Variants in CDH11 observed in about 807,000 individuals in gnomAD.
CDH11 encodes cadherin 11.
Under a neutral mutation model 67.8 loss-of-function variants are expected in CDH11, and 11 were observed. The ratio of observed to expected loss-of-function variants is 0.16; its 90% CI spans 0.10 to 0.27. The LOEUF (loss-of-function observed/expected upper bound fraction) is 0.27, where lower values mean the gene tolerates loss of function less well. CDH11 is among the 10% of genes least tolerant of loss of function. The pLI, the probability that CDH11 is intolerant of heterozygous loss-of-function variation, is 1.00. For missense variants in CDH11, 847 were observed against 1,031.2 expected (o/e 0.82, Z 2.45); for synonymous variants, 419 against 400.0 (o/e 1.05, Z -0.57).
At chr16:64,957,597 C>T (rs1597014240) in intron 11 of CDH11, among the ~76,000 whole-genome samples, 3 of 84,830 alleles carry the variant, frequency 3.5e-5, no homozygotes, top group Admixed American at 1.5e-4. Flanking sequence ...CACACATGCC[C>T]GTGCACACAC....
chr16:65,050,866 C>T (rs2074044018), intron 2 of CDH11, among the ~76,000 whole-genome samples: 1 of 151,804 alleles, frequency 6.6e-6, no homozygotes, highest in Admixed American at 6.6e-5. Context: ...TAACTTTTGA[C>T]TCTGATTCAT....
chr16:65,035,192 G>A (rs1490431085), intron 2 of CDH11, among the ~76,000 whole-genome samples: 1 of 152,236 alleles, frequency 6.6e-6, no homozygotes, highest in Non-Finnish European at 1.5e-5. Flanking sequence ...CATCCAGGGT[G>A]CCACACTGAG....
At chr16:65,102,775 C>T (rs181722113) in intron 1 of CDH11, among the ~76,000 whole-genome samples, 1 of 152,276 alleles carries the variant, frequency 6.6e-6, no homozygotes, top group East Asian at 1.9e-4. Flanking sequence ...ATAAGAAATA[C>T]CCTATTCTTG....
intron 1 of CDH11, among the ~76,000 whole-genome samples, chr16:65,114,413 A>G (rs892868209): frequency 2.0e-5 from 3 of 152,120 alleles, no homozygotes; most frequent in Admixed American, 2.0e-4. Context: ...CAGGTTTGGG[A>G]AGCCAGCTTT....
rs1287810398 is a variant in CDH11, at chr16:65,004,154, T to A, written c.228+488A>T. Among the ~76,000 whole-genome samples, 4 of 152,072 alleles carry A rather than the reference T, an allele frequency of 2.6e-5. No homozygotes were observed. The South Asian group carries it at 8.3e-4, about 32-fold the overall frequency. ...GGCTGATGAGGGAGGATCACTTAGGTCAGAGGTTTGAAGCCAACCTGGGCA... is the reference window on the plus strand; with the variant it reads ...GGCTGATGAGGGAGGATCACTTAGGACAGAGGTTTGAAGCCAACCTGGGCA... On this transcript the variant is annotated intron_variant, in intron 3 of 12. Transcript: ENST00000268603.
chr16:65,022,894 C>T (rs2073455485), intron 2 of CDH11, among the ~76,000 whole-genome samples: 1 of 152,182 alleles, frequency 6.6e-6, no homozygotes, highest in African/African-American at 2.4e-5. Context: ...ATTGGGGCCA[C>T]AGAACAACAT....
intron 1 of CDH11, among the ~76,000 whole-genome samples, chr16:65,094,441 A>G (rs979591013): frequency 2.0e-5 from 3 of 151,922 alleles, no homozygotes; most frequent in African/African-American, 7.3e-5. Context: ...ACACACACAC[A>G]TACACACACA....
At chr16:64,999,490 T>G (rs1055112821) in intron 3 of CDH11, among the ~76,000 whole-genome samples, 7 of 152,204 alleles carry the variant, frequency 4.6e-5, no homozygotes, top group Admixed American at 1.3e-4. Context: ...ATCTTCCTCA[T>G]CTACTGTATG....
chr16:65,072,157 C>T (rs2074428955), intron 1 of CDH11: 1 of 152,360 alleles, frequency 6.6e-6, no homozygotes, highest in Non-Finnish European at 1.5e-5. Flanking sequence ...AATCTCGGGA[C>T]ACCTCATGTG....
chr16:65,082,007 G>A (rs539256396), intron 1 of CDH11, among the ~76,000 whole-genome samples: 1 of 152,270 alleles, frequency 6.6e-6, no homozygotes, highest in South Asian at 2.1e-4. Context: ...CAGTGCTATG[G>A]CTTCCCTTTC....
At chr16:64,980,977 C>T (rs1402083858) in intron 8 of CDH11, 1 of 152,196 alleles carries the variant, frequency 6.6e-6, no homozygotes, top group Non-Finnish European at 1.5e-5. Context: ...GATTCAAGCC[C>T]CTTCTCCACC....
intron 7 of CDH11, chr16:64,987,301 G>A (rs1264363749): frequency 6.6e-6 from 1 of 152,138 alleles, no homozygotes; most frequent in Admixed American, 6.6e-5. Context: ...TGTCTTGAGA[G>A]GGAAGTTGTT....
At chr16:65,015,275 T>C (rs577336116) in intron 2 of CDH11, among the ~76,000 whole-genome samples, 1 of 151,952 alleles carries the variant, frequency 6.6e-6, no homozygotes, top group Non-Finnish European at 1.5e-5. Flanking sequence ...ATATCAATTC[T>C]ACCATTTCTT....
At chr16:65,030,571 G>T (rs1333437309) in intron 2 of CDH11, among the ~76,000 whole-genome samples, 1 of 152,152 alleles carries the variant, frequency 6.6e-6, no homozygotes, top group Non-Finnish European at 1.5e-5. Context: ...GACAGTTTGA[G>T]AATTTATTTA....
At chr16:65,079,504 T>C (rs1049855653) in intron 1 of CDH11, among the ~76,000 whole-genome samples, 9 of 152,184 alleles carry the variant, frequency 5.9e-5, no homozygotes, top group South Asian at 4.1e-4. Flanking sequence ...TATGTGTGTG[T>C]GTGTGTTTGT....
intron 2 of CDH11, among the ~76,000 whole-genome samples, chr16:65,034,148 C>T (rs537442138): frequency 2.0e-5 from 3 of 152,188 alleles, no homozygotes; most frequent in Non-Finnish European, 2.9e-5. Context: ...CCTAATTCTA[C>T]GTGGCTGATA....
chr16:65,123,688 G>C (rs6498982), upstream of CDH11: 125,688 of 152,134 alleles, frequency 0.83, 52,013 homozygotes, highest in South Asian at 0.88. Flanking sequence ...TTCGGCCTGC[G>C]CGCCCGCGTT....
rs550876168 is a variant in CDH11 at position 65,080,222 on chromosome 16, A to G, written c.-297-26294T>C. The stretch of plus-strand genomic sequence containing the variant: ...CCGATGTACAGTAAACTATACAACC[A>G]TTCAACCCCTACTACTGGGCTACTC... On this transcript the variant is annotated intron_variant, in intron 1 of 12. Coordinates refer to ENST00000268603, the MANE Select transcript of CDH11 (RefSeq NM_001797.4). Among the ~76,000 whole-genome samples the G allele has an allele frequency of 1.4e-4, 21 of 151,968 alleles. 1 individual carries two copies. In the Middle Eastern group the frequency reaches 0.017, roughly 124 times the overall value.
chr16:65,029,820 T>G (rs1396737583), intron 2 of CDH11, among the ~76,000 whole-genome samples: 1 of 152,188 alleles, frequency 6.6e-6, no homozygotes, highest in Non-Finnish European at 1.5e-5. Flanking sequence ...CCTACAGCAT[T>G]TTTTAGAGAG....
Sources: gnomAD v4.1 joint callset for allele counts (sites outside exome capture counted in the v4.1 genomes callset) on GRCh38, gnomAD v4.1.1 for gene constraint, MANE v1.5 for transcripts, NCBI Gene and HGNC (gene_info 2026-07-23, HGNC 2026-07-21) for gene names.